APTX: variants seen among roughly 807,000 people sequenced by gnomAD.
APTX encodes aprataxin.
Under a neutral mutation model 42.3 loss-of-function variants are expected in APTX, and 33 were observed. That is an observed-to-expected ratio of 0.78 (90% CI 0.59 to 1.04). APTX has a LOEUF of 1.04. Ranked by LOEUF, APTX falls within the 50% of genes least tolerant of loss-of-function variation. APTX has a pLI of 0.00. For synonymous variants in APTX, 130 were observed against 146.7 expected (o/e 0.89, Z 0.82); for missense variants, 421 against 415.1 (o/e 1.01, Z -0.12).
At chr9:32,984,066 T>C (rs1298210435) in intron 6 of APTX, among the ~76,000 whole-genome samples, 2 of 152,222 alleles carry the variant, frequency 1.3e-5, no homozygotes, top group Non-Finnish European at 1.5e-5. Flanking sequence ...TCTAGACTTA[T>C]CATCTTATTG....
At chr9:32,974,707 T>G in intron 6 of APTX, 146 bp from the exon 7 acceptor site, 2 of 646,484 alleles carry the variant, frequency 3.1e-6, no homozygotes, top group Non-Finnish European at 5.6e-6. Flanking sequence ...TGTGTCCATT[T>G]AATTCAATTG....
At chr9:32,986,861 T>G (rs1832308044) in intron 4 of APTX, among the ~76,000 whole-genome samples, 1 of 151,900 alleles carries the variant, frequency 6.6e-6, no homozygotes, top group Admixed American at 6.6e-5. Flanking sequence ...CAGGCTGGAG[T>G]GCAGTGGTGC....
At chr9:33,015,293 T>C (rs1054468895) in intron 1 of APTX, among the ~76,000 whole-genome samples, 1 of 152,230 alleles carries the variant, frequency 6.6e-6, no homozygotes, top group Non-Finnish European at 1.5e-5. Flanking sequence ...ACACAAATAA[T>C]AACGCCTTAT....
At chr9:33,004,643 T>A (rs560622826), upstream of APTX, among the ~76,000 whole-genome samples, 1 of 148,168 alleles carries the variant, frequency 6.7e-6, no homozygotes, top group African/African-American at 2.5e-5. Flanking sequence ...TTTTTTTTTT[T>A]TTTTTTTGAG....
upstream of APTX, among the ~76,000 whole-genome samples, chr9:33,001,852 TCA>T (rs559816071): frequency 1.2e-3 from 179 of 152,310 alleles, 2 homozygotes; most frequent in South Asian, 7.0e-3. Context: ...TGTCACTGCC[TCA>T]CAGTCTCTGA....
At chr9:33,012,844 T>C (rs527952381) in intron 1 of APTX, among the ~76,000 whole-genome samples, 1 of 152,234 alleles carries the variant, frequency 6.6e-6, no homozygotes, top group South Asian at 2.1e-4. Context: ...AGAAAAAGGG[T>C]GGGGGCACTA....
intron 5 of APTX, among the ~76,000 whole-genome samples, chr9:32,985,352 G>C (rs1245716796): frequency 4.0e-5 from 2 of 49,840 alleles, no homozygotes; most frequent in Non-Finnish European, 7.8e-5. Flanking sequence ...TTTTTTTTTT[G>C]AGATGGAGTT....
chr9:32,986,059 A>AAAC, intron 4 of APTX, 29 bp from the exon 5 acceptor site: 1 of 1,240,058 alleles, frequency 8.1e-7, no homozygotes, highest in African/African-American at 1.6e-5. Flanking sequence ...AAAAAACAAA[A>AAAC]AAAAAAAAAA....
At position 32,973,501 on chromosome 9, in the gene APTX, C is replaced by G. The variant is rs760001144; in HGVS notation, c.1026G>C (p.Gln342His). The change falls in exon 8 of 8, where the codon CAG becomes CAC. Residue 342 changes from glutamine (Q) to histidine (H), a missense_variant. By Grantham distance (24) the Gln-to-His change is conservative. Transcript: ENST00000379817. ...LKEHLRKHWT[Q>H] ...CAGCAGCTCAGGCTCTGCAGAATCACTGTGTCCAGTGCTTCCTGAGATGTT... is the reference window on the plus strand; with the variant it reads ...CAGCAGCTCAGGCTCTGCAGAATCAGTGTGTCCAGTGCTTCCTGAGATGTT... 6.2e-7 allele frequency: 1 copy of G among 1,614,114 alleles called. No homozygotes were observed. Among genetic ancestry groups the G allele is most frequent in the South Asian group, 1.1e-5 (1 of 91,062 alleles).
chr9:32,990,616 A>G (rs1203476325), intron 1 of APTX, among the ~76,000 whole-genome samples: 1 of 152,224 alleles, frequency 6.6e-6, no homozygotes, highest in African/African-American at 2.4e-5. Flanking sequence ...TATACAATAT[A>G]ATGTGATAAA....
chr9:32,995,175 T>C (rs1185225898), intron 1 of APTX, among the ~76,000 whole-genome samples: 1 of 152,212 alleles, frequency 6.6e-6, no homozygotes, highest in African/African-American at 2.4e-5. Flanking sequence ...GTGTTATTAA[T>C]TAAGAAATAC....
At chr9:32,978,726 T>G (rs902026469) in intron 6 of APTX, among the ~76,000 whole-genome samples, 8 of 152,190 alleles carry the variant, frequency 5.3e-5, no homozygotes, top group Non-Finnish European at 1.0e-4. Flanking sequence ...ATTTATGGTA[T>G]GTATCCTCCC....
chr9:32,972,777 T>C lies in APTX; in HGVS notation c.*721A>G. On this transcript the variant is annotated 3_prime_UTR_variant, in exon 8 of 8. Coordinates refer to ENST00000379817, the MANE Select transcript of APTX (RefSeq NM_001195248.2). ...AGAGAGATGCCTCAAACAAATTAAC[T>C]TTATTTTCAGACAACAGGTCCAAGA... 1 of 454,128 alleles carries C rather than the reference T, an allele frequency of 2.2e-6. No homozygotes were observed. Among genetic ancestry groups the C allele is most frequent in the South Asian group, 1.6e-5 (1 of 64,474 alleles). The allele number at this position is 454,128 out of a possible 1,614,324, so 28.1% of individuals were successfully genotyped here. A position where few individuals can be genotyped will look rare whatever the true frequency, so the allele number is the denominator to read the frequency against.
At position 33,020,626 on chromosome 9, in the gene APTX, AAGAAAGAAC is replaced by A. The variant is rs1371083909; in HGVS notation, c.-5+4388_-5+4396del. 3.3e-5 allele frequency among the ~76,000 whole-genome samples: 5 copies of A among 152,340 alleles called. No individual in the cohort carries two copies. In the East Asian group the frequency reaches 5.8e-4, roughly 18 times the overall value. ...CGCAGTGCCTGGCAGGTCCTCACAA[AAGAAAGAAC>A]AGATGAGGAAAGAGAAAAGAAACAA... is the stretch of plus-strand genomic sequence containing the variant. On this transcript the variant is annotated intron_variant, in intron 1 of 6. Transcript: ENST00000436040.
chr9:32,989,436 T>C (rs1019836282), intron 2 of APTX, among the ~76,000 whole-genome samples: 4 of 152,204 alleles, frequency 2.6e-5, no homozygotes, highest in African/African-American at 9.6e-5. Flanking sequence ...TGGTTTCACC[T>C]GTAGACTCCA....
intron 4 of APTX, 108 bp from the exon 5 acceptor site, chr9:32,986,138 C>T (rs777300137): frequency 9.7e-7 from 1 of 1,028,858 alleles, no homozygotes; most frequent in South Asian, 1.3e-5. Context: ...GATAGCACAA[C>T]TAAACTTGGA....
Position 32,987,731 on chromosome 9 carries a change from T to C in APTX, c.296A>G (p.Glu99Gly). Residue 99 changes from glutamate to glycine, a missense_variant, in exon 4 of 8, where the codon GAG becomes GGG. Glu to Gly is a moderately conservative substitution (Grantham distance 98). Coordinates refer to ENST00000379817, the MANE Select transcript of APTX (RefSeq NM_001195248.2). ...AGGGTTCTTTGCCTCTTCCTCAAACTCTACAATATATGGATAAAGTTCATT... is the reference window on the plus strand; with the variant it reads ...AGGGTTCTTTGCCTCTTCCTCAAACCCTACAATATATGGATAAAGTTCATT... ...MVNELYPYIV[E>G]FEEEAKNPGL... 6.2e-7 allele frequency: 1 copy of C among 1,614,172 alleles called. No homozygotes were observed. Among genetic ancestry groups the C allele is most frequent in the Non-Finnish European group, 8.5e-7 (1 of 1,180,034 alleles).
At chr9:32,981,523 T>G (rs1830668739) in intron 6 of APTX, among the ~76,000 whole-genome samples, 1 of 152,130 alleles carries the variant, frequency 6.6e-6, no homozygotes, top group Non-Finnish European at 1.5e-5. Context: ...ACCACTTCTC[T>G]CACAGAAACC....
upstream of APTX, among the ~76,000 whole-genome samples, chr9:33,004,630 C>G (rs191652528): frequency 5.4e-3 from 675 of 125,726 alleles, 6 homozygotes; most frequent in African/African-American, 0.019. Context: ...CTTGCCAACC[C>G]TTTTTTTTTT....
Sources: gnomAD v4.1 joint callset for allele counts (sites outside exome capture counted in the v4.1 genomes callset) on GRCh38, gnomAD v4.1.1 for gene constraint, MANE v1.5 for transcripts, NCBI Gene and HGNC (gene_info 2026-07-23, HGNC 2026-07-21) for gene names.